Variants in CCDC171 observed in about 807,000 individuals in gnomAD.
The protein encoded by CCDC171 is coiled-coil domain containing 171, also known as coiled-coil domain-containing protein 171.
In CCDC171, 177 loss-of-function variants were observed where a neutral mutation model predicts 168.2. That is an observed-to-expected ratio of 1.05 (90% confidence interval 0.93 to 1.19). The LOEUF is 1.19. Ranked by LOEUF, CCDC171 falls within the 50% of genes most tolerant of loss-of-function variation. The pLI, the probability that CCDC171 is intolerant of heterozygous loss-of-function variation, is 0.00. For synonymous variants in CCDC171, 687 were observed against 540.8 expected (o/e 1.27, Z -3.75); for missense variants, 1,991 against 1,539.0 (o/e 1.29, Z -4.91).
At chr9:15,596,080 C>G (rs1244634044) in intron 6 of CCDC171, among the ~76,000 whole-genome samples, 1 of 152,096 alleles carries the variant, frequency 6.6e-6, no homozygotes, top group African/African-American at 2.4e-5. Context: ...AAAATTTTCT[C>G]CCATTCTGTA....
intron 21 of CCDC171, among the ~76,000 whole-genome samples, chr9:15,787,713 A>G (rs2058042352): frequency 6.6e-6 from 1 of 152,234 alleles, no homozygotes. Flanking sequence ...GGCCTACAGC[A>G]AGTTTCTACT....
intron 21 of CCDC171, among the ~76,000 whole-genome samples, chr9:15,819,366 G>A (rs2059679515): frequency 8.5e-6 from 1 of 117,140 alleles, no homozygotes; most frequent in African/African-American, 3.2e-5. Context: ...ATGTAAATGG[G>A]CTAAATGCTC....
chr9:16,073,641 A>G, the CCDC171 span, among the ~76,000 whole-genome samples: 57,723 of 151,992 alleles, frequency 0.38, 11,261 homozygotes, highest in African/African-American at 0.46. Flanking sequence ...CCAGAAGCTA[A>G]TTGAGAAACC....
chr9:15,713,053 A>T (rs1193943721), intron 11 of CCDC171, among the ~76,000 whole-genome samples: 3 of 152,202 alleles, frequency 2.0e-5, no homozygotes, highest in African/African-American at 7.2e-5. Context: ...CCAATTTTCT[A>T]TTCACATTCT....
intron 24 of CCDC171, among the ~76,000 whole-genome samples, chr9:15,905,497 A>G (rs1166274483): frequency 6.6e-6 from 1 of 152,204 alleles, no homozygotes; most frequent in Non-Finnish European, 1.5e-5. Flanking sequence ...ACAACATACC[A>G]GAATCTCTGG....
chr9:15,598,748 G>T (rs895254194), intron 6 of CCDC171, among the ~76,000 whole-genome samples: 1 of 152,096 alleles, frequency 6.6e-6, no homozygotes, highest in South Asian at 2.1e-4. Flanking sequence ...TGACAGTGGG[G>T]TGTTAAAGTC....
At chr9:15,809,631 C>T (rs1199200980) in intron 21 of CCDC171, among the ~76,000 whole-genome samples, 1 of 149,090 alleles carries the variant, frequency 6.7e-6, no homozygotes. Flanking sequence ...TTCTTCCTGT[C>T]CGGAGTTGTT....
intron 10 of CCDC171, among the ~76,000 whole-genome samples, chr9:15,693,451 A>C (rs370947059): frequency 8.2e-4 from 119 of 145,394 alleles, no homozygotes; most frequent in African/African-American, 2.8e-3. Context: ...TAGGGGAAAC[A>C]CTGGGGATAC....
At chr9:15,677,551 G>A (rs2133379124) in intron 9 of CCDC171, among the ~76,000 whole-genome samples, 2 of 151,872 alleles carry the variant, frequency 1.3e-5, no homozygotes, top group South Asian at 2.1e-4. Context: ...ACATTTTTAG[G>A]AAGATCTCAG....
chr9:15,747,419 C>T (rs1008748170), intron 18 of CCDC171, among the ~76,000 whole-genome samples: 2 of 152,188 alleles, frequency 1.3e-5, no homozygotes, highest in African/African-American at 2.4e-5. Flanking sequence ...AGACTGCATC[C>T]TCAAGTGGGT....
At chr9:16,057,616 C>G (rs1181412907) in intron 1 of CCDC171, among the ~76,000 whole-genome samples, 1 of 152,148 alleles carries the variant, frequency 6.6e-6, no homozygotes, top group Non-Finnish European at 1.5e-5. Flanking sequence ...AGTCCAAAAC[C>G]CTTGTCCCTT....
At chr9:15,937,835 G>T (rs768761631) in intron 25 of CCDC171, among the ~76,000 whole-genome samples, 11 of 151,994 alleles carry the variant, frequency 7.2e-5, no homozygotes, top group Non-Finnish European at 1.5e-4. Context: ...TAAACTCATT[G>T]AGTATTTAAC....
At chr9:15,652,915 T>C (rs959161062) in intron 7 of CCDC171, among the ~76,000 whole-genome samples, 1 of 152,224 alleles carries the variant, frequency 6.6e-6, no homozygotes, top group Non-Finnish European at 1.5e-5. Flanking sequence ...TTTTATATAA[T>C]AGCTAAGAAC....
intron 7 of CCDC171, among the ~76,000 whole-genome samples, chr9:15,644,548 A>G (rs1468523295): frequency 2.0e-5 from 3 of 152,150 alleles, no homozygotes. Flanking sequence ...CCACCCTAAT[A>G]CTGCACTTTT....
chr9:16,045,555 A>G (rs189747358), intron 1 of CCDC171, among the ~76,000 whole-genome samples: 35 of 152,128 alleles, frequency 2.3e-4, no homozygotes, highest in Non-Finnish European at 4.6e-4. Context: ...AAAACTCCCC[A>G]TGGTTTAGAA....
chr9:15,913,629 T>A (rs1824045088), intron 24 of CCDC171, among the ~76,000 whole-genome samples: 1 of 152,206 alleles, frequency 6.6e-6, no homozygotes, highest in African/African-American at 2.4e-5. Flanking sequence ...ACCTACCTTC[T>A]GAAGCCCAAT....
chr9:16,048,485 C>A (rs931509483), intron 1 of CCDC171, among the ~76,000 whole-genome samples: 1 of 152,188 alleles, frequency 6.6e-6, no homozygotes, highest in Non-Finnish European at 1.5e-5. Context: ...CCTGGTACTT[C>A]AGTAACAGTG....
intron 21 of CCDC171, among the ~76,000 whole-genome samples, chr9:15,829,417 T>G (rs2060140709): frequency 6.6e-6 from 1 of 152,168 alleles, no homozygotes; most frequent in Non-Finnish European, 1.5e-5. Flanking sequence ...GCCTTGATTC[T>G]GAAAACATGT....
chr9:15,637,759 G>T (rs934908470), intron 7 of CCDC171, among the ~76,000 whole-genome samples: 4 of 151,706 alleles, frequency 2.6e-5, no homozygotes, highest in Non-Finnish European at 4.4e-5. Context: ...TGAGAATGAT[G>T]ATTTCCAATT....
Sources: gnomAD v4.1 joint callset for allele counts (sites outside exome capture counted in the v4.1 genomes callset) on GRCh38, gnomAD v4.1.1 for gene constraint, MANE v1.5 for transcripts, NCBI Gene and HGNC (gene_info 2026-07-23, HGNC 2026-07-21) for gene names.